The following CNTN5 variants were observed in gnomAD, a reference collection of about 807,000 sequenced individuals.
CNTN5 encodes contactin-5.
In CNTN5, 77 loss-of-function variants were observed where a neutral mutation model predicts 129.1. The ratio of observed to expected loss-of-function variants is 0.60; its 90% confidence interval spans 0.50 to 0.72. The LOEUF (loss-of-function observed/expected upper bound fraction) is 0.72, where lower values mean the gene tolerates loss of function less well. Among genes scored for constraint, CNTN5 ranks in the 30% least tolerant of loss-of-function variants. The pLI, the probability that CNTN5 is intolerant of heterozygous loss-of-function variation, is 0.00. For synonymous variants in CNTN5, 509 were observed against 465.6 expected (o/e 1.09, Z -1.20); for missense variants, 1,478 against 1,328.8 (o/e 1.11, Z -1.75).
At chr11:99,895,750 G>C (rs1949188654) in intron 6 of CNTN5, among the ~76,000 whole-genome samples, 1 of 152,148 alleles carries the variant, frequency 6.6e-6, no homozygotes, top group African/African-American at 2.4e-5. Flanking sequence ...GAACAGCAGA[G>C]AGCTATGTGG....
At chr11:99,788,891 C>T (rs1945634528) in intron 3 of CNTN5, among the ~76,000 whole-genome samples, 1 of 151,868 alleles carries the variant, frequency 6.6e-6, no homozygotes, top group African/African-American at 2.4e-5. Context: ...ATTTCATCAG[C>T]ACAGCTCTTT....
intron 1 of CNTN5, among the ~76,000 whole-genome samples, chr11:99,071,267 G>T (rs888128040): frequency 6.6e-6 from 1 of 151,824 alleles, no homozygotes; most frequent in Non-Finnish European, 1.5e-5. Flanking sequence ...CCAAACAGAG[G>T]TTTTTTTTGT....
At chr11:99,342,973 C>G (rs1866592169) in intron 2 of CNTN5, among the ~76,000 whole-genome samples, 2 of 151,456 alleles carry the variant, frequency 1.3e-5, no homozygotes, top group African/African-American at 4.9e-5. Flanking sequence ...AAACAAAAAA[C>G]AAAACAAAAC....
At chr11:99,543,781 G>C (rs928515728) in intron 2 of CNTN5, among the ~76,000 whole-genome samples, 4 of 151,954 alleles carry the variant, frequency 2.6e-5, no homozygotes, top group African/African-American at 9.7e-5. Flanking sequence ...AGCTGTGCGT[G>C]GTGGCACACG....
At chr11:100,185,116 C>A (rs1440530228) in intron 13 of CNTN5, among the ~76,000 whole-genome samples, 3 of 152,090 alleles carry the variant, frequency 2.0e-5, no homozygotes, top group Admixed American at 1.3e-4. Context: ...TCAATTAAAC[C>A]TCTTTACTTC....
intron 3 of CNTN5, among the ~76,000 whole-genome samples, chr11:99,669,054 GCTTT>G (rs1027660452): frequency 3.3e-5 from 5 of 152,180 alleles, no homozygotes; most frequent in Admixed American, 2.6e-4. Context: ...GGATATTTGT[GCTTT>G]CTTTTAAACA....
intron 2 of CNTN5, among the ~76,000 whole-genome samples, chr11:99,348,104 A>G (rs1368175502): frequency 1.3e-5 from 2 of 152,194 alleles, no homozygotes; most frequent in Non-Finnish European, 2.9e-5. Flanking sequence ...CTACTAGCCT[A>G]TCTTCTTAGC....
intron 13 of CNTN5, among the ~76,000 whole-genome samples, chr11:100,134,329 G>A (rs1946461970): frequency 6.6e-6 from 1 of 152,098 alleles, no homozygotes; most frequent in Non-Finnish European, 1.5e-5. Context: ...TCCCCTGAAA[G>A]GGTGGTATTC....
chr11:99,107,631 T>A (rs1352190094), intron 1 of CNTN5, among the ~76,000 whole-genome samples: 1 of 151,898 alleles, frequency 6.6e-6, no homozygotes, highest in Non-Finnish European at 1.5e-5. Context: ...TGGGACAAAA[T>A]GGATCTTAAA....
intron 13 of CNTN5, among the ~76,000 whole-genome samples, chr11:100,097,227 G>C (rs1043647810): frequency 6.6e-6 from 1 of 151,994 alleles, no homozygotes; most frequent in African/African-American, 2.4e-5. Context: ...AAGATGGAAG[G>C]AATATTAGAT....
At chr11:99,229,854 T>G (rs1196984119) in intron 1 of CNTN5, among the ~76,000 whole-genome samples, 2 of 152,084 alleles carry the variant, frequency 1.3e-5, no homozygotes, top group African/African-American at 4.8e-5. Context: ...CATGGTTTGC[T>G]TTTCTTTAAA....
At chr11:99,930,172 G>C (rs1259897894) in intron 7 of CNTN5, among the ~76,000 whole-genome samples, 1 of 152,100 alleles carries the variant, frequency 6.6e-6, no homozygotes, top group African/African-American at 2.4e-5. Flanking sequence ...TCTTAGAGCA[G>C]TTTTCCCTTG....
intron 2 of CNTN5, among the ~76,000 whole-genome samples, chr11:99,466,991 CT>C (rs1944970172): frequency 6.6e-6 from 1 of 152,104 alleles, no homozygotes; most frequent in South Asian, 2.1e-4. Context: ...AATGTATTTA[CT>C]GAATGCATAG....
intron 9 of CNTN5, among the ~76,000 whole-genome samples, chr11:100,029,668 T>C (rs1203553074): frequency 7.2e-5 from 11 of 152,326 alleles, no homozygotes; most frequent in African/African-American, 2.2e-4. Context: ...GAGTCTGCTA[T>C]TCCTTCATAA....
intron 9 of CNTN5, among the ~76,000 whole-genome samples, chr11:100,051,107 G>GA (rs1318445508): frequency 6.6e-6 from 1 of 152,034 alleles, no homozygotes; most frequent in Non-Finnish European, 1.5e-5. Context: ...CAAGAAGACA[G>GA]AAAATCAGTA....
intron 2 of CNTN5, among the ~76,000 whole-genome samples, chr11:99,372,042 C>T (rs940526887): frequency 2.0e-5 from 3 of 152,292 alleles, no homozygotes; most frequent in Admixed American, 6.5e-5. Flanking sequence ...ATAAGGTAGA[C>T]TAGAGAAAAA....
chr11:99,372,648 T>G (rs1591589509), intron 2 of CNTN5, among the ~76,000 whole-genome samples: 1 of 152,322 alleles, frequency 6.6e-6, no homozygotes, highest in Admixed American at 6.5e-5. Context: ...AATCAGTGCC[T>G]AATGAAGCTA....
intron 3 of CNTN5, among the ~76,000 whole-genome samples, chr11:99,612,972 G>T (rs1950635936): frequency 6.6e-6 from 1 of 152,162 alleles, no homozygotes. Context: ...CAATGCAAGT[G>T]TGGAGCCCAG....
intron 18 of CNTN5, among the ~76,000 whole-genome samples, chr11:100,289,702 G>C (rs1451003571): frequency 1.3e-5 from 2 of 150,956 alleles, no homozygotes; most frequent in Non-Finnish European, 3.0e-5. Context: ...ACTGGCACAA[G>C]ACAGGGATGC....
Sources: gnomAD v4.1 joint callset for allele counts (sites outside exome capture counted in the v4.1 genomes callset) on GRCh38, gnomAD v4.1.1 for gene constraint, MANE v1.5 for transcripts, NCBI Gene and HGNC (gene_info 2026-07-23, HGNC 2026-07-21) for gene names.